The following FCGR2B variants were observed in gnomAD, a reference collection of about 807,000 sequenced individuals.
FCGR2B encodes the protein Fc gamma receptor IIb.
A neutral mutation model predicts 24.8 loss-of-function variants in FCGR2B; 18 were observed. That is an observed-to-expected ratio of 0.73 (90% CI 0.50 to 1.08). The LOEUF is 1.08. Among genes scored for constraint, FCGR2B ranks in the 50% least tolerant of loss-of-function variants. The pLI is 0.00. For synonymous variants in FCGR2B, 79 were observed against 109.8 expected (o/e 0.72, Z 1.75); for missense variants, 215 against 297.6 (o/e 0.72, Z 2.04).
the FCGR2B span, among the ~76,000 whole-genome samples, chr1:161,650,008 T>C: frequency 2.7e-5 from 4 of 150,506 alleles, no homozygotes; most frequent in African/African-American, 9.8e-5. Context: ...AAAATATGCG[T>C]ATGTGTGTTT....
upstream of FCGR2B, among the ~76,000 whole-genome samples, chr1:161,661,325 C>T (rs954232760): frequency 1.5e-5 from 2 of 137,254 alleles, no homozygotes; most frequent in African/African-American, 2.8e-5. Context: ...ACAGGTTACT[C>T]GTTTCTACCT....
At chr1:161,649,641 A>T in the FCGR2B span, among the ~76,000 whole-genome samples, 6 of 150,536 alleles carry the variant, frequency 4.0e-5, no homozygotes, top group Admixed American at 2.7e-4. Flanking sequence ...AGGACACGGA[A>T]GCTACCATCT....
In FCGR2B at chr1:161,678,184, TG is replaced by T. The variant is rs1682297660; in HGVS notation, c.*635del. The T allele has an allele frequency of 4.5e-6, 1 of 223,062 alleles. No individual in the cohort carries two copies. The highest frequency in any genetic ancestry group is 1.8e-4 in the South Asian group (1 of 5,428). 13.8% of individuals were successfully genotyped at this position (223,062 alleles called of 1,614,324 possible). ...TAGGATAGGGGGAGGAGAGGAGAGA[TG>T]GGGATTTAGAATGTAGAGTGAGTGC... On this transcript the variant is annotated 3_prime_UTR_variant, in exon 8 of 8. Coordinates refer to ENST00000358671, the MANE Select transcript of FCGR2B (RefSeq NM_001394477.1).
chr1:161,648,379 A>G, the FCGR2B span, among the ~76,000 whole-genome samples: 1 of 147,330 alleles, frequency 6.8e-6, no homozygotes. Context: ...TAATTGAGGT[A>G]TATCATGGTC....
At position 161,673,236 on chromosome 1, in the gene FCGR2B, G is replaced by A. The variant is rs377291694; in HGVS notation, c.646+7G>A. ...GTGACCATCACTGTCCAAGGTATGC[G>A]GAGTCTGCCAAGATGTAAGGAGGGG... On this transcript the variant is annotated splice_region_variant and intron_variant, in intron 4 of 7. Coordinates refer to ENST00000358671, the MANE Select transcript of FCGR2B (RefSeq NM_001394477.1). The A allele has an allele frequency of 3.3e-4, 517 of 1,590,370 alleles. 6 individuals carry two copies. The East Asian group carries it at 7.7e-3, about 24-fold the overall frequency.
chr1:161,672,323 T>A (rs1681731982), intron 3 of FCGR2B: 1 of 159,370 alleles, frequency 6.3e-6, no homozygotes, highest in Non-Finnish European at 1.4e-5. Flanking sequence ...ATGAACATTG[T>A]CCTTGTGGCT....
chr1:161,648,824 G>C, the FCGR2B span, among the ~76,000 whole-genome samples: 2 of 150,548 alleles, frequency 1.3e-5, no homozygotes, highest in South Asian at 4.3e-4. Flanking sequence ...AGAGTAGATG[G>C]GACTACAGGC....
At chr1:161,673,575 A>G in intron 4 of FCGR2B, 11 of 694,588 alleles carry the variant, frequency 1.6e-5, no homozygotes, top group South Asian at 1.2e-4. Context: ...CTCATGGCTC[A>G]TGTTACAGCC....
intron 2 of FCGR2B, 35 bp from the exon 3 acceptor site, chr1:161,671,357 T>A (rs1361465810): frequency 6.2e-6 from 10 of 1,613,998 alleles, no homozygotes; most frequent in Non-Finnish European, 8.5e-6. Context: ...CTGGGCTTCC[T>A]CTTCTTCATG....
rs543549325 is a variant in FCGR2B, at chr1:161,671,401, C to G, written c.143C>G (p.Pro48Arg). 1.1e-5 allele frequency: 18 copies of G among 1,614,184 alleles called. No individual in the cohort carries two copies. The African/African-American group carries it at 2.0e-4, about 18-fold the overall frequency. Residue 48 changes from proline (P) to arginine (R), a missense_variant, in exon 3 of 8, where the codon CCA (proline) becomes CGA (arginine). By Grantham distance (103) the Pro-to-Arg change is moderately radical (BLOSUM62 -2). Transcript: ENST00000358671. The part of the protein sequence containing the change: ...APVAGTPAAP[P>R]KAVLKLEPQW... The stretch of plus-strand genomic sequence containing the variant: ...TCTCTCTGCCCCTCAGCAGCTCCCC[C>G]AAAGGCTGTGCTGAAACTCGAGCCC...
At chr1:161,647,297 CTTTTTTTTT>C in the FCGR2B span, among the ~76,000 whole-genome samples, 9 of 122,566 alleles carry the variant, frequency 7.3e-5, no homozygotes, top group Non-Finnish European at 1.0e-4. Context: ...GCTCTGGACT[CTTTTTTTTT>C]TTTTTTTTTT....
In FCGR2B at chr1:161,671,549, C is replaced by A. The variant is rs1232100059; in HGVS notation, c.291C>A (p.Pro97=). Residue 97 remains proline (P), a synonymous_variant, in exon 3 of 8, where the codon CCC becomes CCA. Coordinates refer to ENST00000358671, the MANE Select transcript of FCGR2B (RefSeq NM_001394477.1). ...NGNLIPTHTQ[P]SYRFKANNND... ...ATCTCATTCCCACCCACACGCAGCC[C>A]AGCTACAGGTTCAAGGCCAACAACA... The A allele has an allele frequency of 2.9e-5, 47 of 1,614,078 alleles. 1 individual carries two copies. Among genetic ancestry groups the A allele is most frequent in the Non-Finnish European group, 3.7e-5 (44 of 1,180,058 alleles).
At chr1:161,648,019 G>A in the FCGR2B span, among the ~76,000 whole-genome samples, 1 of 150,772 alleles carries the variant, frequency 6.6e-6, no homozygotes, top group Non-Finnish European at 1.5e-5. Context: ...TGAAGGATAA[G>A]TATGAGTTGG....
the FCGR2B span, among the ~76,000 whole-genome samples, chr1:161,652,307 AT>A: frequency 7.6e-6 from 1 of 131,400 alleles, no homozygotes; most frequent in South Asian, 2.7e-4. Flanking sequence ...TACTCCTTGA[AT>A]TTAAGTTTGG....
chr1:161,667,399 C>T (rs1300540779), intron 1 of FCGR2B, among the ~76,000 whole-genome samples: 1 of 126,520 alleles, frequency 7.9e-6, no homozygotes, highest in East Asian at 2.0e-4. Context: ...GCGGTGATCG[C>T]ACATTTACTG....
At position 161,669,568 on chromosome 1, in the gene FCGR2B, C is replaced by T. The variant is rs529619731; in HGVS notation, c.113-684C>T. On this transcript the variant is annotated intron_variant, in intron 1 of 7. Transcript: ENST00000358671. ...CTGGGTGACAGAGTGAGACCCTGTC[C>T]CCCCACAAAATAAAATAAAATAAAA... Among the ~76,000 whole-genome samples, 322 of 116,168 alleles carry T rather than the reference C, an allele frequency of 2.8e-3. 40 individuals carry two copies. In the Admixed American group the frequency reaches 0.028, roughly 10 times the overall value. The allele number at this position is 116,168 out of a possible 152,430, so 76.2% of individuals were successfully genotyped here.
At position 161,677,903 on chromosome 1, in the gene FCGR2B, C is replaced by T. The variant is rs1682278790; in HGVS notation, c.*350C>T. The T allele has an allele frequency of 3.7e-6, 1 of 268,884 alleles. No homozygotes were observed. The highest frequency in any genetic ancestry group is 7.0e-6 in the Non-Finnish European group (1 of 143,494). The allele number at this position is 268,884 out of a possible 1,614,324, so 16.7% of individuals were successfully genotyped here. A position where few individuals can be genotyped will look rare whatever the true frequency, so the allele number is the denominator to read the frequency against. ...GTTACGTGAGAACAATCATGTAAAT[C>T]TATATGATTTCAGAAATGTTAAAAT... On this transcript the variant is annotated 3_prime_UTR_variant, in exon 8 of 8. Transcript: ENST00000358671.
chr1:161,650,020 A>G, the FCGR2B span, among the ~76,000 whole-genome samples: 1 of 150,470 alleles, frequency 6.6e-6, no homozygotes, highest in Admixed American at 6.7e-5. Context: ...TGTGTGTTTT[A>G]TTTTTTAGAC....
rs373810561 is a variant in FCGR2B, at chr1:161,677,546, G to T, written c.926G>T (p.Arg309Leu). 1.9e-6 allele frequency: 3 copies of T among 1,609,102 alleles called. No individual in the cohort carries two copies. The South Asian group carries it at 3.3e-5, about 18-fold the overall frequency. Residue 309 changes from arginine (R) to leucine (L), a missense_variant, in exon 8 of 8, where the codon CGT becomes CTT. Transcript: ENST00000358671. Reference protein sequence around the residue: ...DALEEPDDQNRI With the variant: ...DALEEPDDQNLI ...CTGGAAGAGCCTGATGACCAGAACC[G>T]TATTTAGTCTCCATTGTCTTGCATT...
Sources: gnomAD v4.1 joint callset for allele counts (sites outside exome capture counted in the v4.1 genomes callset) on GRCh38, gnomAD v4.1.1 for gene constraint, MANE v1.5 for transcripts, NCBI Gene and HGNC (gene_info 2026-07-23, HGNC 2026-07-21) for gene names.